PUS7L: variants seen among roughly 807,000 people sequenced by gnomAD.
The protein encoded by PUS7L is pseudouridylate synthase PUS7L.
In PUS7L, 49 loss-of-function variants were observed where a neutral mutation model predicts 51.1. The observed-to-expected ratio is 0.96, with a 90% CI of 0.76 to 1.22. The LOEUF is 1.22. PUS7L is among the 50% of genes most tolerant of loss of function. PUS7L has a pLI of 0.00. For missense variants in PUS7L, 828 were observed against 820.6 expected (o/e 1.01, Z -0.11); for synonymous variants, 277 against 276.2 (o/e 1.00, Z -0.03).
rs1042304668 is a variant in PUS7L, at chr12:43,721,568, G to A, written c.*8808C>T. The A allele has an allele frequency of 2.0e-5, 3 of 152,154 alleles. No homozygotes were observed. Among genetic ancestry groups the A allele is most frequent in the African/African-American group, 4.8e-5 (2 of 41,432 alleles). 9.4% of individuals were successfully genotyped at this position (152,154 alleles called of 1,614,324 possible). Reference sequence around the variant, plus strand: ...CCTGTTATATGTCAGGCACTGATAGGTGCCAGAGGTATAAAGATCAATGCT... The same window carrying A: ...CCTGTTATATGTCAGGCACTGATAGATGCCAGAGGTATAAAGATCAATGCT... On this transcript the variant is annotated 3_prime_UTR_variant, in exon 9 of 9. Coordinates refer to ENST00000344862, the MANE Select transcript of PUS7L (RefSeq NM_031292.5).
intron 2 of PUS7L, among the ~76,000 whole-genome samples, chr12:43,751,370 C>T (rs1310979521): frequency 1.4e-5 from 2 of 143,382 alleles, no homozygotes; most frequent in African/African-American, 5.2e-5. Context: ...ACAACAGGAC[C>T]CAGTGTGTGA....
At chr12:43,747,489 T>A (rs1358341054) in intron 3 of PUS7L, among the ~76,000 whole-genome samples, 1 of 151,680 alleles carries the variant, frequency 6.6e-6, no homozygotes, top group Non-Finnish European at 1.5e-5. Flanking sequence ...AAGTCAGGAG[T>A]TCGAGACCAG....
chr12:43,750,192 C>A (rs1938375864), intron 2 of PUS7L, among the ~76,000 whole-genome samples: 1 of 90,052 alleles, frequency 1.1e-5, no homozygotes, highest in Admixed American at 9.7e-5. Context: ...AAATCCCCAG[C>A]TTGTTTATCA....
At chr12:43,756,614 T>C (rs1246178787) in intron 1 of PUS7L, among the ~76,000 whole-genome samples, 1 of 152,206 alleles carries the variant, frequency 6.6e-6, no homozygotes, top group Non-Finnish European at 1.5e-5. Context: ...TTCAATGTCT[T>C]GGACCCTCAA....
rs1422869498 is a variant in PUS7L, at chr12:43,725,317, G to A, written c.*5059C>T. Reference sequence around the variant, plus strand: ...CCCTTTACTTTATATTTTGGTCTCAGAATCAAAAGGTATCTTGTCTCTCCC... The same window carrying A: ...CCCTTTACTTTATATTTTGGTCTCAAAATCAAAAGGTATCTTGTCTCTCCC... On this transcript the variant is annotated 3_prime_UTR_variant, in exon 9 of 9. Coordinates refer to ENST00000344862, the MANE Select transcript of PUS7L (RefSeq NM_031292.5). 1.3e-5 allele frequency: 2 copies of A among 152,074 alleles called. No homozygotes were observed. Among genetic ancestry groups the A allele is most frequent in the Non-Finnish European group, 2.9e-5 (2 of 68,026 alleles). The allele number at this position is 152,074 out of a possible 1,614,324, so 9.4% of individuals were successfully genotyped here.
chr12:43,758,246 G>A (rs770608784), intron 1 of PUS7L: 6 of 891,568 alleles, frequency 6.7e-6, no homozygotes, highest in Middle Eastern at 5.8e-4. Flanking sequence ...AACTTGGGGA[G>A]AATGTAATTC....
chr12:43,743,110 G>T (rs903539560), intron 4 of PUS7L, among the ~76,000 whole-genome samples: 1 of 152,128 alleles, frequency 6.6e-6, no homozygotes, highest in Non-Finnish European at 1.5e-5. Context: ...CCAGCACCTG[G>T]AACAGTCTGT....
rs534390912 is a variant in PUS7L at position 43,729,536 on chromosome 12, G to C, written c.*840C>G. 9 of 239,746 alleles carry C rather than the reference G, an allele frequency of 3.8e-5. No individual in the cohort carries two copies. Among genetic ancestry groups the C allele is most frequent in the African/African-American group, 2.0e-4 (9 of 45,258 alleles). The allele number at this position is 239,746 out of a possible 1,614,324, so 14.9% of individuals were successfully genotyped here. On this transcript the variant is annotated 3_prime_UTR_variant, in exon 9 of 9. Transcript: ENST00000344862. ...CCAACAAAAATTAAAATTTTCAAAT[G>C]GGCACAATGTTTTGTTCCTCCAGCA...
chr12:43,744,031 A>G (rs1012961507), intron 4 of PUS7L, among the ~76,000 whole-genome samples: 1 of 152,206 alleles, frequency 6.6e-6, no homozygotes, highest in Non-Finnish European at 1.5e-5. Context: ...AAGTTGGCTA[A>G]AACTAAGATT....
At chr12:43,756,689 A>T (rs925460241) in intron 1 of PUS7L, among the ~76,000 whole-genome samples, 6 of 152,142 alleles carry the variant, frequency 3.9e-5, no homozygotes, top group Non-Finnish European at 8.8e-5. Flanking sequence ...TCACGGTCAT[A>T]ACTTTGACTT....
chr12:43,757,913 T>C (rs1938889656), intron 1 of PUS7L, among the ~76,000 whole-genome samples: 2 of 152,172 alleles, frequency 1.3e-5, no homozygotes, highest in South Asian at 4.1e-4. Context: ...CTGGAAAATG[T>C]AGCTGAGTTA....
intron 2 of PUS7L, among the ~76,000 whole-genome samples, chr12:43,749,922 G>A (rs1452383977): frequency 6.6e-6 from 1 of 152,158 alleles, no homozygotes; most frequent in African/African-American, 2.4e-5. Flanking sequence ...GCATAAGGCT[G>A]AAAAACTACC....
At position 43,723,165 on chromosome 12, in the gene PUS7L, G is replaced by T. The variant is rs1288749862; in HGVS notation, c.*7211C>A. On this transcript the variant is annotated 3_prime_UTR_variant, in exon 9 of 9. Coordinates refer to ENST00000344862, the MANE Select transcript of PUS7L (RefSeq NM_031292.5). ...CTTTCCATAGTAAAATTTTTCTTTT[G>T]TAAGAGATGGCCTATGTACACAGGC... The T allele has an allele frequency of 1.3e-5, 2 of 151,874 alleles. No homozygotes were observed. Among genetic ancestry groups the T allele is most frequent in the Admixed American group, 6.6e-5 (1 of 15,246 alleles). The allele number at this position is 151,874 out of a possible 1,614,324, so 9.4% of individuals were successfully genotyped here. A position where few individuals can be genotyped will look rare whatever the true frequency, so the allele number is the denominator to read the frequency against.
rs144104661 is a variant in PUS7L, at chr12:43,728,485, T to C, written c.*1891A>G. The C allele has an allele frequency of 1.3e-5, 2 of 152,238 alleles. No homozygotes were observed. The highest frequency in any genetic ancestry group is 2.4e-5 in the African/African-American group (1 of 41,576). 9.4% of individuals were successfully genotyped at this position (152,238 alleles called of 1,614,324 possible). A position where few individuals can be genotyped will look rare whatever the true frequency, so the allele number is the denominator to read the frequency against. ...TACATTTATAGGATACGATTTATCA[T>C]ATAAAATAAAACATTTTTTCTAAAT... On this transcript the variant is annotated 3_prime_UTR_variant, in exon 9 of 9. Transcript: ENST00000344862.
At position 43,758,595 on chromosome 12, in the gene PUS7L, T is replaced by G. The variant is rs181806571; in HGVS notation, c.-17+135A>C. ...CTCTGCCTGTCCAAAGGCACGACAC[T>G]AGTCCACGTCACCTTTCTTTGGGCG... On this transcript the variant is annotated intron_variant, in intron 1 of 8. Transcript: ENST00000344862. 1,103 of 978,756 alleles carry G rather than the reference T, an allele frequency of 1.1e-3. 1 individual carries two copies. The highest frequency in any genetic ancestry group is 1.8e-3 in the Admixed American group (27 of 14,942). The allele number at this position is 978,756 out of a possible 1,614,324, so 60.6% of individuals were successfully genotyped here.
chr12:43,757,319 C>T (rs559306940), intron 1 of PUS7L, among the ~76,000 whole-genome samples: 45 of 152,228 alleles, frequency 3.0e-4, no homozygotes, highest in African/African-American at 4.1e-4. Flanking sequence ...CACAGGGGCG[C>T]GCCACCACGC....
intron 2 of PUS7L, among the ~76,000 whole-genome samples, chr12:43,749,434 G>A (rs964396881): frequency 2.6e-5 from 4 of 152,142 alleles, no homozygotes; most frequent in African/African-American, 9.7e-5. Flanking sequence ...CTGTAATCTC[G>A]GCACTCTGGG....
In PUS7L at chr12:43,758,779, G is replaced by T; in HGVS notation, c.-66C>A. The T allele has an allele frequency of 1.0e-6, 1 of 961,406 alleles. No homozygotes were observed. The highest frequency in any genetic ancestry group is 1.2e-6 in the Non-Finnish European group (1 of 808,536). 59.6% of individuals were successfully genotyped at this position (961,406 alleles called of 1,614,324 possible). On this transcript the variant is annotated 5_prime_UTR_variant, in exon 1 of 9. Transcript: ENST00000344862. ...TTGCACAACGCTGTGCGCATGCCCG[G>T]AAGCCTTAAGTGTTTCAGCCTCCGA...
rs1290104899 is a variant in PUS7L, at chr12:43,742,479, A to C, written c.1340T>G (p.Leu447Arg). The C allele has an allele frequency of 1.2e-6, 2 of 1,609,108 alleles. No individual in the cohort carries two copies. Among genetic ancestry groups the C allele is most frequent in the Non-Finnish European group, 1.7e-6 (2 of 1,177,652 alleles). Reference sequence around the variant, plus strand: ...TACCATTTCATTCTTCAGCAAAGCTAGTCCAATTTGGTCTGTGTGAACTTT... The same window carrying C: ...TACCATTTCATTCTTCAGCAAAGCTCGTCCAATTTGGTCTGTGTGAACTTT... Reference protein sequence around the residue: ...GRKVHTDQIGLALLKNEMMKA... With the variant: ...GRKVHTDQIGRALLKNEMMKA... Residue 447 changes from leucine to arginine, a missense_variant, in exon 5 of 9, where the codon CTA (leucine) becomes CGA (arginine). Physicochemically the swap from Leu to Arg is moderately radical, Grantham distance 102 (BLOSUM62 -2). Coordinates refer to ENST00000344862, the MANE Select transcript of PUS7L (RefSeq NM_031292.5).
Sources: gnomAD v4.1 joint callset for allele counts (sites outside exome capture counted in the v4.1 genomes callset) on GRCh38, gnomAD v4.1.1 for gene constraint, MANE v1.5 for transcripts, NCBI Gene and HGNC (gene_info 2026-07-23, HGNC 2026-07-21) for gene names.